The following ABI3BP variants were observed in gnomAD, a reference collection of about 807,000 sequenced individuals.
ABI3BP encodes the protein target of Nesh-SH3.
A neutral mutation model predicts 268.6 loss-of-function variants in ABI3BP; 216 were observed. The ratio of observed to expected loss-of-function variants is 0.80; its 90% CI spans 0.72 to 0.90. The LOEUF (loss-of-function observed/expected upper bound fraction) is 0.90. Ranked by LOEUF, ABI3BP falls within the 40% of genes least tolerant of loss-of-function variation. The pLI is 0.00. For synonymous variants in ABI3BP, 730 were observed against 730.0 expected (o/e 1.00, Z 0.00); for missense variants, 2,090 against 2,182.4 (o/e 0.96, Z 0.84).
At chr3:100,938,188 C>T (rs180852549) in intron 1 of ABI3BP, among the ~76,000 whole-genome samples, 1 of 151,694 alleles carries the variant, frequency 6.6e-6, no homozygotes, top group Non-Finnish European at 1.5e-5. Context: ...AAAAAATAAC[C>T]ATTGGGTACT....
intron 3 of ABI3BP, among the ~76,000 whole-genome samples, chr3:100,899,840 C>G (rs1356658490): frequency 6.6e-6 from 1 of 152,184 alleles, no homozygotes; most frequent in Non-Finnish European, 1.5e-5. Flanking sequence ...TGTATTTGCT[C>G]TAGAAAGAAC....
chr3:100,889,164 A>T (rs2043316149), intron 4 of ABI3BP, among the ~76,000 whole-genome samples: 1 of 152,158 alleles, frequency 6.6e-6, no homozygotes, highest in Non-Finnish European at 1.5e-5. Context: ...AAATTTCTGC[A>T]TTATACATTT....
intron 61 of ABI3BP, among the ~76,000 whole-genome samples, chr3:100,773,293 A>AT (rs2096604491): frequency 6.6e-6 from 1 of 152,132 alleles, no homozygotes; most frequent in South Asian, 2.1e-4. Flanking sequence ...AAGCAACTCC[A>AT]TTTTTTAAAA....
At chr3:100,977,993 C>T (rs1051897529) in intron 1 of ABI3BP, among the ~76,000 whole-genome samples, 3 of 152,142 alleles carry the variant, frequency 2.0e-5, no homozygotes, top group African/African-American at 7.2e-5. Context: ...TAAAAGGCAT[C>T]TGTCTAGACA....
chr3:100,873,925 A>G (rs1378476711), intron 9 of ABI3BP, among the ~76,000 whole-genome samples: 3 of 152,224 alleles, frequency 2.0e-5, no homozygotes, highest in Admixed American at 6.5e-5. Flanking sequence ...GTGCTGATTC[A>G]ATCATATATT....
chr3:100,910,270 G>T (rs144683923), intron 2 of ABI3BP, among the ~76,000 whole-genome samples: 3,978 of 152,204 alleles, frequency 0.026, 201 homozygotes, highest in Admixed American at 0.14. Context: ...GAAGTCGGGG[G>T]CAGGAGGAGG....
intron 51 of ABI3BP, among the ~76,000 whole-genome samples, chr3:100,799,628 A>T (rs548528121): frequency 5.7e-4 from 87 of 152,160 alleles, no homozygotes; most frequent in Middle Eastern, 3.4e-3. Flanking sequence ...TTCTCTTCTT[A>T]GGCCTTTTCC....
chr3:100,839,751 C>A, intron 23 of ABI3BP, 135 bp from the exon 24 acceptor site: 1 of 978,770 alleles, frequency 1.0e-6, no homozygotes, highest in South Asian at 1.4e-5. Context: ...TTACAGTTCC[C>A]ATTTTCCTTT....
At chr3:100,771,136 G>T (rs957885904) in intron 61 of ABI3BP, among the ~76,000 whole-genome samples, 184 bp from the exon 62 acceptor site, 1 of 152,158 alleles carries the variant, frequency 6.6e-6, no homozygotes, top group East Asian at 1.9e-4. Context: ...GTGATATAGG[G>T]TGGTGTTGAT....
chr3:100,808,627 G>C (rs926259270), intron 49 of ABI3BP, among the ~76,000 whole-genome samples: 6 of 151,874 alleles, frequency 4.0e-5, no homozygotes, highest in Non-Finnish European at 7.4e-5. Context: ...AAAAAACAAA[G>C]TTAACATGTT....
intron 44 of ABI3BP, among the ~76,000 whole-genome samples, chr3:100,814,511 T>G (rs2097956727): frequency 6.6e-6 from 1 of 152,078 alleles, no homozygotes; most frequent in South Asian, 2.1e-4. Flanking sequence ...GCCCACATCG[T>G]TCCTTGACTC....
chr3:100,894,965 A>AAAAAAAAAAAAAAAC (rs760156604), intron 4 of ABI3BP, among the ~76,000 whole-genome samples: 48 of 120,832 alleles, frequency 4.0e-4, no homozygotes, highest in Non-Finnish European at 6.8e-4. Flanking sequence ...AAAAAAAAAA[A>AAAAAAAAAAAAAAAC]AACAGAAAAA....
At chr3:100,839,737 C>T (rs2098663430) in intron 23 of ABI3BP, 121 bp from the exon 24 acceptor site, 2 of 1,091,502 alleles carry the variant, frequency 1.8e-6, no homozygotes, top group South Asian at 2.7e-5. Flanking sequence ...TGTGATTTTC[C>T]CTTTTACAGT....
chr3:100,823,729 G>T (rs1464340238), intron 36 of ABI3BP, among the ~76,000 whole-genome samples: 6 of 152,120 alleles, frequency 3.9e-5, no homozygotes, highest in Non-Finnish European at 8.8e-5. Flanking sequence ...GAACTATCTT[G>T]AGTATGTTAA....
In ABI3BP at chr3:100,902,638, C is replaced by T. The variant is rs558239325; in HGVS notation, c.308G>A (p.Ser103Asn). Residue 103 changes from serine to asparagine, a missense_variant, in exon 3 of 68, where the codon AGT becomes AAT. Ser to Asn is a conservative substitution (Grantham distance 46). Transcript: ENST00000471714. ...TATACCTGAACATGACTTCTTTTGACTTGGAGGTGGAGCAGGTCGCACAAC... is the reference window on the plus strand; with the variant it reads ...TATACCTGAACATGACTTCTTTTGATTTGGAGGTGGAGCAGGTCGCACAAC... ...LIVVRPAPPP[S>N]QKKSCSGKTR... 6.2e-7 allele frequency: 1 copy of T among 1,613,924 alleles called. No individual in the cohort carries two copies. The highest frequency in any genetic ancestry group is 1.7e-5 in the Admixed American group (1 of 60,026).
rs151122116 is a variant in ABI3BP, at chr3:100,980,105, A to G, written c.79+13201T>C. ...TTTTGCTGAAAGACTGTCTATAAAG[A>G]ATTTTGCAAGTAGGTTATTATACAT... On this transcript the variant is annotated intron_variant, in intron 1 of 67. Transcript: ENST00000471714. Among the ~76,000 whole-genome samples the G allele has an allele frequency of 2.4e-3, 363 of 152,358 alleles. 1 individual carries two copies. The highest frequency in any genetic ancestry group is 8.4e-3 in the African/African-American group (348 of 41,586).
intron 50 of ABI3BP, among the ~76,000 whole-genome samples, chr3:100,805,487 A>T (rs2097680612): frequency 6.6e-6 from 1 of 152,146 alleles, no homozygotes; most frequent in Admixed American, 6.6e-5. Context: ...GACACCAGGA[A>T]AATAAGTCTA....
chr3:100,851,900 C>T lies in ABI3BP; in HGVS notation c.1326G>A (p.Glu442=). ...CTGTGTAGGAATCTGATATCTCAGGCTCATCTGATGTTGTAGGGCTTGAGA... is the reference window on the plus strand; with the variant it reads ...CTGTGTAGGAATCTGATATCTCAGGTTCATCTGATGTTGTAGGGCTTGAGA... ...DVFSSPTTSD[E]PEISDSYTAT... Residue 442 remains glutamate (E), a synonymous_variant, in exon 15 of 68, where the codon GAG becomes GAA. Coordinates refer to ENST00000471714, the MANE Select transcript of ABI3BP (RefSeq NM_001375547.2). 6.3e-7 allele frequency: 1 copy of T among 1,588,644 alleles called. No individual in the cohort carries two copies. Among genetic ancestry groups the T allele is most frequent in the Non-Finnish European group, 8.6e-7 (1 of 1,167,834 alleles).
intron 2 of ABI3BP, chr3:100,911,738 A>C: frequency 1.1e-6 from 1 of 876,868 alleles, no homozygotes; most frequent in East Asian, 2.4e-5. Flanking sequence ...GTTTCAAGGC[A>C]TGTTTCAGTC....
Sources: gnomAD v4.1 joint callset for allele counts (sites outside exome capture counted in the v4.1 genomes callset) on GRCh38, gnomAD v4.1.1 for gene constraint, MANE v1.5 for transcripts, NCBI Gene and HGNC (gene_info 2026-07-23, HGNC 2026-07-21) for gene names.